ZNF615: variants seen among roughly 807,000 people sequenced by gnomAD.
The protein encoded by ZNF615 is zinc finger protein 615.
Under a neutral mutation model 15.3 loss-of-function variants are expected in ZNF615, and 15 were observed. The observed-to-expected ratio is 0.98, with a 90% CI of 0.66 to 1.51. The LOEUF (loss-of-function observed/expected upper bound fraction) is 1.51, where lower values mean the gene tolerates loss of function less well. Among genes scored for constraint, ZNF615 ranks in the 40% most tolerant of loss-of-function variants. The pLI is 0.00. For missense variants in ZNF615, 848 were observed against 895.9 expected (o/e 0.95, Z 0.68); for synonymous variants, 268 against 294.6 (o/e 0.91, Z 0.92).
At position 51,993,683 on chromosome 19, in the gene ZNF615, A is replaced by G. The variant is rs1365600267; in HGVS notation, c.1426T>C (p.Phe476Leu). 1.1e-5 allele frequency: 18 copies of G among 1,613,978 alleles called. No individual in the cohort carries two copies. The highest frequency in any genetic ancestry group is 1.4e-5 in the Non-Finnish European group (16 of 1,179,992). Reference protein sequence around the residue: ...PYVCTECRKGFTMKSDLIVHQ... With the variant: ...PYVCTECRKGLTMKSDLIVHQ... ...ACAATGAGGTCACTCTTCATGGTGA[A>G]ACCTTTTCGACATTCGGTGCATACA... The change falls in exon 7 of 7, where the codon TTC becomes CTC. Residue 476 changes from phenylalanine to leucine, a missense_variant. By Grantham distance (22) the Phe-to-Leu change is conservative (BLOSUM62 0). Coordinates refer to ENST00000598071, the MANE Select transcript of ZNF615 (RefSeq NM_001199324.2).
Position 51,992,883 on chromosome 19 carries a change from C to T in ZNF615, c.2226G>A (p.Arg742=), listed in dbSNP as rs763111370. 1.2e-6 allele frequency: 2 copies of T among 1,613,046 alleles called. No homozygotes were observed. The highest frequency in any genetic ancestry group is 1.3e-5 in the African/African-American group (1 of 74,908). ...SILVKHRRIH[R] ...GCAAGAGGCTTTCCCAAAATGACTA[C>T]CTGTGAATTCTCCTGTGTTTAACAA... is the stretch of plus-strand genomic sequence containing the variant. Residue 742 remains arginine, a synonymous_variant, in exon 7 of 7, where the codon AGG becomes AGA. Coordinates refer to ENST00000598071, the MANE Select transcript of ZNF615 (RefSeq NM_001199324.2).
At chr19:52,005,667 A>G (rs779843796) in intron 2 of ZNF615, among the ~76,000 whole-genome samples, 4 of 152,234 alleles carry the variant, frequency 2.6e-5, no homozygotes, top group Non-Finnish European at 4.4e-5. Context: ...TCAGTAATAT[A>G]GTATCCAGGA....
rs778799323 is a variant in ZNF615 at position 51,994,695 on chromosome 19, A to G, written c.414T>C (p.Cys138=). 5 of 1,613,656 alleles carry G rather than the reference A, an allele frequency of 3.1e-6. No individual in the cohort carries two copies. Among genetic ancestry groups the G allele is most frequent in the Non-Finnish European group, 2.5e-6 (3 of 1,179,978 alleles). Residue 138 remains cysteine, a synonymous_variant, in exon 7 of 7, where the codon TGT becomes TGC. Transcript: ENST00000598071. ...NKGHFLLKQD[C]DTFDLHEKPL... is the part of the protein sequence containing the mutation. Reference sequence around the variant, plus strand: ...GTTTTTCATGTAAGTCAAACGTATCACAATCTTGCTTCAGCAGGAAATGAC... The same window carrying G: ...GTTTTTCATGTAAGTCAAACGTATCGCAATCTTGCTTCAGCAGGAAATGAC...
Position 51,992,793 on chromosome 19 carries a change from A to G in ZNF615, c.*87T>C. 1 of 1,411,202 alleles carries G rather than the reference A, an allele frequency of 7.1e-7. No individual in the cohort carries two copies. Among genetic ancestry groups the G allele is most frequent in the Admixed American group, 2.3e-5 (1 of 44,204 alleles). The allele number at this position is 1,411,202 out of a possible 1,614,324, so 87.4% of individuals were successfully genotyped here. ...CATGAAGTAACTGATCACTAAATAA[A>G]CAACCATGTAGTCTGCATTCATGAA... On this transcript the variant is annotated 3_prime_UTR_variant, in exon 7 of 7. Coordinates refer to ENST00000598071, the MANE Select transcript of ZNF615 (RefSeq NM_001199324.2).
intron 6 of ZNF615, 59 bp from the exon 7 acceptor site, chr19:51,994,896 A>G (rs1279001648): frequency 1.4e-6 from 2 of 1,464,506 alleles, no homozygotes; most frequent in African/African-American, 2.9e-5. Flanking sequence ...AAACTATTTA[A>G]ACTATTTTTT....
At chr19:52,005,427 A>T (rs1174923222) in intron 2 of ZNF615, among the ~76,000 whole-genome samples, 7 of 152,252 alleles carry the variant, frequency 4.6e-5, no homozygotes, top group Admixed American at 4.6e-4. Flanking sequence ...ACTAATTTTT[A>T]AAAAATTATT....
In ZNF615 at chr19:51,992,922, C is replaced by T. The variant is rs752413931; in HGVS notation, c.2187G>A (p.Ala729=). 2.5e-5 allele frequency: 40 copies of T among 1,614,138 alleles called. 1 individual carries two copies. The Middle Eastern group carries it at 6.6e-4, about 27-fold the overall frequency. ...TGTGTTTAACAAGGATAGACAAGTG[C>T]GCAAAAGCTTTCCCACAATCACTAC... ...YGCSDCGKAF[A]HLSILVKHRR... Residue 729 remains alanine, a synonymous_variant, in exon 7 of 7, where the codon GCG becomes GCA. Coordinates refer to ENST00000598071, the MANE Select transcript of ZNF615 (RefSeq NM_001199324.2).
intron 6 of ZNF615, among the ~76,000 whole-genome samples, chr19:51,997,872 C>T (rs1404473958): frequency 6.6e-6 from 1 of 152,336 alleles, no homozygotes; most frequent in African/African-American, 2.4e-5. Flanking sequence ...TTGACAAACA[C>T]TGTTGCAGGG....
intron 6 of ZNF615, among the ~76,000 whole-genome samples, chr19:51,998,227 C>A (rs2086496717): frequency 6.6e-6 from 1 of 152,168 alleles, no homozygotes; most frequent in Admixed American, 6.5e-5. Context: ...CCAACTATGC[C>A]CCCACTGTTC....
At chr19:52,000,927 C>CA (rs1246526606) in intron 5 of ZNF615, among the ~76,000 whole-genome samples, 84 of 137,682 alleles carry the variant, frequency 6.1e-4, no homozygotes, top group Admixed American at 9.4e-4. Context: ...ACCTTCTTTC[C>CA]AAAAAAAAAA....
Position 52,007,289 on chromosome 19 carries a change from T to A in ZNF615, c.-190+4A>T. ...AAAGGTTATCTTTGAGTAACCGAGC[T>A]TACCATGGCAGAGATGTTATCTTAC... On this transcript the variant is annotated splice_donor_region_variant and intron_variant, in intron 2 of 6. Transcript: ENST00000598071. The A allele has an allele frequency of 7.8e-7, 1 of 1,288,586 alleles. No individual in the cohort carries two copies. Among genetic ancestry groups the A allele is most frequent in the Non-Finnish European group, 1.0e-6 (1 of 987,936 alleles). 79.8% of individuals were successfully genotyped at this position (1,288,586 alleles called of 1,614,324 possible).
rs1351362486 is a variant in ZNF615 at position 51,993,804 on chromosome 19, T to C, written c.1305A>G (p.Gly435=). The change falls in exon 7 of 7, where the codon GGA becomes GGG. Residue 435 remains glycine, a synonymous_variant. Transcript: ENST00000598071. ...ACTCATTGCATTTATAAGGTTTCTC[T>C]CCAGTATGAGTTCGTTGATGTACCA... The part of the protein sequence containing the change: ...CLMVHQRTHT[G]EKPYKCNECG... 5.6e-6 allele frequency: 9 copies of C among 1,614,138 alleles called. No homozygotes were observed. The highest frequency in any genetic ancestry group is 7.6e-6 in the Non-Finnish European group (9 of 1,180,006).
intron 5 of ZNF615, among the ~76,000 whole-genome samples, chr19:52,000,773 CA>C (rs1052201776): frequency 1.3e-5 from 2 of 151,974 alleles, no homozygotes; most frequent in Non-Finnish European, 2.9e-5. Context: ...GGCAACATGA[CA>C]AAACCCCACC....
intron 1 of ZNF615, among the ~76,000 whole-genome samples, chr19:52,007,647 T>C (rs1394505041): frequency 1.3e-5 from 2 of 152,180 alleles, no homozygotes; most frequent in South Asian, 4.1e-4. Context: ...TCGGAATCTG[T>C]GGCGCTACCA....
At chr19:52,003,586 C>T in intron 3 of ZNF615, 111 bp downstream of exon 3, 1 of 971,270 alleles carries the variant, frequency 1.0e-6, no homozygotes, top group Non-Finnish European at 1.6e-6. Flanking sequence ...CAGATTTCTC[C>T]AGGTCCTGAT....
At chr19:52,000,984 A>G (rs947403585) in intron 5 of ZNF615, among the ~76,000 whole-genome samples, 3 of 152,150 alleles carry the variant, frequency 2.0e-5, no homozygotes, top group Non-Finnish European at 2.9e-5. Context: ...AAGAGAACTT[A>G]AGAAACACAT....
chr19:51,998,886 C>T (rs1424347754), intron 6 of ZNF615, among the ~76,000 whole-genome samples: 1 of 152,162 alleles, frequency 6.6e-6, no homozygotes, highest in African/African-American at 2.4e-5. Flanking sequence ...AACTCCTGAA[C>T]TCAAGTGATC....
At chr19:52,007,836 C>T (rs1377663228) in intron 1 of ZNF615, 6 of 378,560 alleles carry the variant, frequency 1.6e-5, no homozygotes, top group Non-Finnish European at 2.9e-5. Flanking sequence ...ACCAAAGACA[C>T]CAGAATGTGA....
At chr19:52,001,704 T>G in intron 5 of ZNF615, 109 bp downstream of exon 5, 2 of 785,116 alleles carry the variant, frequency 2.5e-6, no homozygotes, top group African/African-American at 1.7e-5. Flanking sequence ...GAAGGAGTGA[T>G]GGAGGGGCTG....
Sources: allele counts gnomAD v4.1 joint callset (sites outside exome capture counted in the v4.1 genomes callset), GRCh38; gene constraint gnomAD v4.1.1; transcripts MANE v1.5; gene names NCBI Gene and HGNC (gene_info 2026-07-23, HGNC 2026-07-21).